MAGI2: variants seen among roughly 807,000 people sequenced by gnomAD.
MAGI2 encodes membrane-associated guanylate kinase, WW and PDZ domain-containing protein 2.
A neutral mutation model predicts 133.3 loss-of-function variants in MAGI2; 35 were observed. That is an observed-to-expected ratio of 0.26 (90% CI 0.20 to 0.35). The LOEUF (loss-of-function observed/expected upper bound fraction) is 0.35. Ranked by LOEUF, MAGI2 falls within the 10% of genes least tolerant of loss-of-function variation. The pLI is 1.00. For missense variants in MAGI2, 1,636 were observed against 1,863.4 expected (o/e 0.88, Z 2.25); for synonymous variants, 729 against 710.6 (o/e 1.03, Z -0.41).
At chr7:78,243,488 G>A (rs890793895) in intron 10 of MAGI2, among the ~76,000 whole-genome samples, 1 of 152,144 alleles carries the variant, frequency 6.6e-6, no homozygotes, top group East Asian at 1.9e-4. Flanking sequence ...TCGTGGTACA[G>A]TAGTTTTCTC....
In MAGI2 at chr7:78,701,735, T is replaced by C. The variant is rs181185952; in HGVS notation, c.419-74496A>G. Reference sequence around the variant, plus strand: ...CTGGCCTTGGCCTCATACGGGTTAATAAAATGTCAATTTACAAACAGCTAT... The same window carrying C: ...CTGGCCTTGGCCTCATACGGGTTAACAAAATGTCAATTTACAAACAGCTAT... On this transcript the variant is annotated intron_variant, in intron 2 of 21. Transcript: ENST00000354212. Among the ~76,000 whole-genome samples, 405 of 152,080 alleles carry C rather than the reference T, an allele frequency of 2.7e-3. 1 individual carries two copies. The highest frequency in any genetic ancestry group is 9.2e-3 in the African/African-American group (381 of 41,558).
At chr7:78,529,667 G>GTTTTTTTTTTTTTTTTTTTTT (rs1563128653) in intron 3 of MAGI2, among the ~76,000 whole-genome samples, 2 of 56,320 alleles carry the variant, frequency 3.6e-5, no homozygotes, top group African/African-American at 1.3e-4. Flanking sequence ...TAAAGGAGAT[G>GTTTTTTTTTTTTTTTTTTTTT]GTTTTTTTTT....
chr7:79,028,155 T>G (rs2116769195), intron 1 of MAGI2, among the ~76,000 whole-genome samples: 1 of 147,188 alleles, frequency 6.8e-6, no homozygotes, highest in Non-Finnish European at 1.5e-5. Flanking sequence ...GAGGTTGCAG[T>G]GAACCAAAAT....
At chr7:79,409,051 T>A (rs2129169756) in intron 1 of MAGI2, among the ~76,000 whole-genome samples, 1 of 152,170 alleles carries the variant, frequency 6.6e-6, no homozygotes, top group East Asian at 1.9e-4. Context: ...TCTACAGAAA[T>A]ATAGGCTGAC....
chr7:78,556,222 T>C (rs911726127), intron 3 of MAGI2, among the ~76,000 whole-genome samples: 4 of 152,256 alleles, frequency 2.6e-5, no homozygotes, highest in East Asian at 1.9e-4. Context: ...CTCAGTGAGA[T>C]TGAATGACTT....
rs57950337 is a variant in MAGI2 at position 78,876,321 on chromosome 7, C to CAAA, written c.418+130766_418+130768dup. Among the ~76,000 whole-genome samples the CAAA allele has an allele frequency of 8.8e-5, 7 of 79,682 alleles. 1 individual carries two copies. Among genetic ancestry groups the CAAA allele is most frequent in the Non-Finnish European group, 1.5e-4 (6 of 40,902 alleles). 52.3% of individuals were successfully genotyped at this position (79,682 alleles called of 152,430 possible). Reference sequence around the variant, plus strand: ...CGGGTGACAGAGCAAGACTCCGTCTCAAAAAAAAAAAAAAAAAAAAATTGG... The same window carrying CAAA: ...CGGGTGACAGAGCAAGACTCCGTCTCAAAAAAAAAAAAAAAAAAAAAAAATTGG... On this transcript the variant is annotated intron_variant, in intron 2 of 21. Transcript: ENST00000354212.
chr7:79,058,162 C>A (rs536274621), intron 1 of MAGI2, among the ~76,000 whole-genome samples: 3 of 151,814 alleles, frequency 2.0e-5, no homozygotes, highest in African/African-American at 7.3e-5. Flanking sequence ...AGGGAAAATG[C>A]GATGGGATAC....
At chr7:79,312,133 A>G (rs1285216908) in intron 1 of MAGI2, among the ~76,000 whole-genome samples, 1 of 152,172 alleles carries the variant, frequency 6.6e-6, no homozygotes, top group Non-Finnish European at 1.5e-5. Flanking sequence ...ATGCCCTTCA[A>G]TGGAAATTTT....
intron 2 of MAGI2, among the ~76,000 whole-genome samples, chr7:78,767,197 G>A (rs2151311740): frequency 6.6e-6 from 1 of 152,098 alleles, no homozygotes; most frequent in Admixed American, 6.5e-5. Context: ...CACCATGTTG[G>A]CCAGGCTGGT....
chr7:78,646,418 A>G (rs939723468), intron 2 of MAGI2, among the ~76,000 whole-genome samples: 1 of 152,142 alleles, frequency 6.6e-6, no homozygotes, highest in African/African-American at 2.4e-5. Context: ...GGAATATAGG[A>G]ATTTTGTAAG....
chr7:79,296,624 C>A (rs939285585), intron 1 of MAGI2, among the ~76,000 whole-genome samples: 1 of 152,092 alleles, frequency 6.6e-6, no homozygotes, highest in Non-Finnish European at 1.5e-5. Context: ...TGGGAAATTG[C>A]AAACACTGTG....
At chr7:78,846,599 C>T (rs373213094) in intron 2 of MAGI2, among the ~76,000 whole-genome samples, 8 of 151,928 alleles carry the variant, frequency 5.3e-5, no homozygotes, top group Non-Finnish European at 1.2e-4. Flanking sequence ...GGTTCCTAGA[C>T]GTTCTTCTTT....
chr7:79,184,930 A>T (rs1826947621), intron 1 of MAGI2, among the ~76,000 whole-genome samples: 2 of 151,920 alleles, frequency 1.3e-5, no homozygotes, highest in South Asian at 4.1e-4. Context: ...ACAGGAAAAT[A>T]TGGCAACACA....
chr7:78,486,931 C>A, intron 6 of MAGI2: 1 of 523,146 alleles, frequency 1.9e-6, no homozygotes, highest in Non-Finnish European at 3.9e-6. Flanking sequence ...TTTGAACTAG[C>A]TCATTTCATG....
chr7:78,103,493 A>T (rs1818385740), intron 20 of MAGI2, among the ~76,000 whole-genome samples: 1 of 152,204 alleles, frequency 6.6e-6, no homozygotes, highest in African/African-American at 2.4e-5. Context: ...CACATGAGGT[A>T]GTGTTAGGCA....
intron 6 of MAGI2, among the ~76,000 whole-genome samples, chr7:78,376,514 TAA>T (rs1794461719): frequency 6.6e-6 from 1 of 152,106 alleles, no homozygotes; most frequent in Non-Finnish European, 1.5e-5. Context: ...CATATTATAA[TAA>T]AAAATTAAAA....
chr7:78,131,737 T>A (rs1821584191), intron 18 of MAGI2, among the ~76,000 whole-genome samples: 1 of 152,218 alleles, frequency 6.6e-6, no homozygotes, highest in Non-Finnish European at 1.5e-5. Context: ...GTTGTTCTTA[T>A]GACAGTCTTT....
At chr7:79,244,758 A>C (rs1019039749) in intron 1 of MAGI2, among the ~76,000 whole-genome samples, 4 of 152,174 alleles carry the variant, frequency 2.6e-5, no homozygotes, top group African/African-American at 9.7e-5. Context: ...CATGTGACCT[A>C]GGAAAACACC....
intron 1 of MAGI2, among the ~76,000 whole-genome samples, chr7:79,211,180 T>A (rs1358729933): frequency 1.3e-5 from 2 of 152,102 alleles, no homozygotes; most frequent in African/African-American, 2.4e-5. Flanking sequence ...TTAACAGGCA[T>A]GTGTGAATAT....
Sources: gnomAD v4.1 joint callset for allele counts (sites outside exome capture counted in the v4.1 genomes callset) on GRCh38, gnomAD v4.1.1 for gene constraint, MANE v1.5 for transcripts, NCBI Gene and HGNC (gene_info 2026-07-23, HGNC 2026-07-21) for gene names.